The following SPAG9 variants were observed in gnomAD, a reference collection of about 807,000 sequenced individuals.
SPAG9 encodes sperm associated antigen 9.
A neutral mutation model predicts 166.5 loss-of-function variants in SPAG9; 35 were observed. The ratio of observed to expected loss-of-function variants is 0.21; its 90% CI spans 0.16 to 0.28. The LOEUF (loss-of-function observed/expected upper bound fraction) is 0.28. SPAG9 is among the 10% of genes least tolerant of loss of function. The pLI is 1.00. For missense variants in SPAG9, 1,235 were observed against 1,603.3 expected, an observed-to-expected ratio of 0.77 and a Z score of 3.92; for synonymous variants, 534 against 565.5, an observed-to-expected ratio of 0.94 and a Z score of 0.79.
rs193102409 is a variant in SPAG9 at position 50,987,163 on chromosome 17, T to A, written c.2888A>T (p.Gln963Leu). The change falls in exon 22 of 30, where the codon CAG becomes CTG. Residue 963 changes from glutamine to leucine, a missense_variant. Coordinates refer to ENST00000262013, the MANE Select transcript of SPAG9 (RefSeq NM_001130528.3). ...NEQDLVREEA[Q>L]KMSSLLPTMW... ...AGTTGGTAAAAGACTACTCATTTTC[T>A]GGGCTTCTTCTCTCACCAAGTCTTG... The A allele has an allele frequency of 6.2e-7, 1 of 1,613,710 alleles. No individual in the cohort carries two copies. Among genetic ancestry groups the A allele is most frequent in the East Asian group, 2.2e-5 (1 of 44,810 alleles).
intron 2 of SPAG9, among the ~76,000 whole-genome samples, chr17:51,058,441 A>C (rs779402470): frequency 5.0e-4 from 76 of 152,344 alleles, no homozygotes; most frequent in South Asian, 2.1e-4. Context: ...AGTCACACAG[A>C]TAGAAAATGG....
chr17:51,089,665 CACAT>C (rs1555658115), intron 1 of SPAG9, among the ~76,000 whole-genome samples: 8 of 44,374 alleles, frequency 1.8e-4, no homozygotes, highest in African/African-American at 5.4e-4. Context: ...TATATATATA[CACAT>C]ACACACACAC....
At chr17:51,111,297 C>T (rs985866940) in intron 1 of SPAG9, among the ~76,000 whole-genome samples, 1 of 152,126 alleles carries the variant, frequency 6.6e-6, no homozygotes, top group Non-Finnish European at 1.5e-5. Context: ...TGACCACAAC[C>T]TAATAACTTA....
intron 3 of SPAG9, among the ~76,000 whole-genome samples, chr17:51,055,264 A>G (rs1008146061): frequency 7.9e-5 from 12 of 152,018 alleles, no homozygotes; most frequent in African/African-American, 2.9e-4. Flanking sequence ...GAGGGAGGAG[A>G]ATCGCTTGAA....
intron 2 of SPAG9, among the ~76,000 whole-genome samples, chr17:51,073,265 T>G (rs1168688631): frequency 1.3e-5 from 2 of 151,848 alleles, no homozygotes; most frequent in African/African-American, 4.8e-5. Context: ...GAGGCGGAGC[T>G]TGCAGTGAGC....
At chr17:51,060,852 T>G (rs929143169) in intron 2 of SPAG9, among the ~76,000 whole-genome samples, 4 of 151,418 alleles carry the variant, frequency 2.6e-5, no homozygotes, top group Non-Finnish European at 5.9e-5. Context: ...TTTTTGTTTT[T>G]TTTTTTTTTC....
At chr17:50,986,971 T>C in intron 22 of SPAG9, 141 bp downstream of exon 22, 1 of 725,604 alleles carries the variant, frequency 1.4e-6, no homozygotes, top group South Asian at 2.1e-5. Flanking sequence ...AGTTGCAACA[T>C]AACATCAAAT....
chr17:50,989,366 A>G (rs186890016), intron 21 of SPAG9, among the ~76,000 whole-genome samples: 218 of 152,352 alleles, frequency 1.4e-3, no homozygotes, highest in Non-Finnish European at 2.5e-3. Context: ...GCACTCTATG[A>G]TGTTCACACA....
chr17:51,051,582 T>C (rs1322097172), intron 3 of SPAG9, among the ~76,000 whole-genome samples: 1 of 152,152 alleles, frequency 6.6e-6, no homozygotes, highest in African/African-American at 2.4e-5. Flanking sequence ...TAGCCGAGCG[T>C]GGTGGCATGT....
chr17:50,993,679 A>G, intron 19 of SPAG9, 85 bp downstream of exon 19: 1 of 1,350,764 alleles, frequency 7.4e-7, no homozygotes, highest in Non-Finnish European at 1.0e-6. Context: ...AGCAAGGTGC[A>G]GAACTGCATC....
At chr17:51,095,672 A>G (rs946924881) in intron 1 of SPAG9, among the ~76,000 whole-genome samples, 58 of 127,660 alleles carry the variant, frequency 4.5e-4, no homozygotes, top group Middle Eastern at 4.1e-3. Flanking sequence ...AAAAATGTGT[A>G]TATATATATA....
chr17:50,980,941 G>A (rs2143708935), intron 25 of SPAG9, among the ~76,000 whole-genome samples: 2 of 152,298 alleles, frequency 1.3e-5, no homozygotes, highest in African/African-American at 4.8e-5. Context: ...GTCTGAGGCT[G>A]CAGTGAGCTA....
chr17:51,035,674 C>T (rs1331377589), intron 5 of SPAG9, among the ~76,000 whole-genome samples: 1 of 152,184 alleles, frequency 6.6e-6, no homozygotes, highest in Non-Finnish European at 1.5e-5. Flanking sequence ...ACTCTGCTAA[C>T]AAGAGCTTCT....
At chr17:51,075,621 C>T (rs1248887012) in intron 2 of SPAG9, among the ~76,000 whole-genome samples, 1 of 152,040 alleles carries the variant, frequency 6.6e-6, no homozygotes, top group African/African-American at 2.4e-5. Flanking sequence ...ACCAGGAGTT[C>T]GAGACCAGCT....
chr17:51,072,671 G>A (rs9914587), intron 2 of SPAG9, among the ~76,000 whole-genome samples: 8,675 of 151,598 alleles, frequency 0.057, 732 homozygotes, highest in African/African-American at 0.19. Flanking sequence ...GCAACAGAGC[G>A]AGACTCTGTC....
At chr17:51,026,481 T>C (rs1174975895) in intron 6 of SPAG9, among the ~76,000 whole-genome samples, 1 of 151,996 alleles carries the variant, frequency 6.6e-6, no homozygotes, top group Non-Finnish European at 1.5e-5. Context: ...TCCTAGGCTA[T>C]CCAAATAAAA....
intron 2 of SPAG9, among the ~76,000 whole-genome samples, chr17:51,064,741 G>C (rs900291987): frequency 6.6e-6 from 1 of 152,168 alleles, no homozygotes; most frequent in African/African-American, 2.4e-5. Flanking sequence ...GGTTCTTCTT[G>C]GGGTGATAAA....
At chr17:51,047,334 AT>A in intron 4 of SPAG9, 40 bp downstream of exon 4, 1 of 1,056,270 alleles carries the variant, frequency 9.5e-7, no homozygotes, top group Non-Finnish European at 1.4e-6. Flanking sequence ...CATATTATTT[AT>A]TTTACTTTTT....
At chr17:51,078,145 T>C (rs931453278) in intron 2 of SPAG9, among the ~76,000 whole-genome samples, 1 of 152,092 alleles carries the variant, frequency 6.6e-6, no homozygotes, top group Non-Finnish European at 1.5e-5. Flanking sequence ...ATGTATTCAA[T>C]GGTAACAAAG....
Sources: allele counts gnomAD v4.1 joint callset (sites outside exome capture counted in the v4.1 genomes callset), GRCh38; gene constraint gnomAD v4.1.1; transcripts MANE v1.5; gene names NCBI Gene and HGNC (gene_info 2026-07-23, HGNC 2026-07-21).